Variants in CNTN4 observed in about 807,000 individuals in gnomAD.
The protein encoded by CNTN4 is contactin 4.
CNTN4 carries 77 observed loss-of-function variants against 122.5 expected under a neutral mutation model. That is an observed-to-expected ratio of 0.63 (90% confidence interval 0.52 to 0.76). CNTN4 has a LOEUF of 0.76. Among genes scored for constraint, CNTN4 ranks in the 30% least tolerant of loss-of-function variants. The pLI is 0.00. For synonymous variants in CNTN4, 512 were observed against 447.0 expected, an observed-to-expected ratio of 1.15 and a Z score of -1.83; for missense variants, 1,256 against 1,259.1, an observed-to-expected ratio of 1.00 and a Z score of 0.04.
intron 2 of CNTN4, among the ~76,000 whole-genome samples, chr3:2,173,350 G>C (rs1411884438): frequency 6.6e-6 from 1 of 152,190 alleles, no homozygotes; most frequent in Non-Finnish European, 1.5e-5. Context: ...TGAGAAGCCA[G>C]TGCACAGAGC....
chr3:2,269,809 T>G (rs1351123995), intron 2 of CNTN4, among the ~76,000 whole-genome samples: 2 of 152,176 alleles, frequency 1.3e-5, no homozygotes, highest in Admixed American at 6.6e-5. Flanking sequence ...GTTCATTGAC[T>G]TTTGTAGATG....
chr3:2,449,235 C>G (rs74444615), intron 3 of CNTN4, among the ~76,000 whole-genome samples: 1,560 of 152,280 alleles, frequency 0.01, 28 homozygotes, highest in African/African-American at 0.035. Context: ...TCATCAACCA[C>G]TGATAGGTAA....
At chr3:2,668,098 C>G (rs182050547) in intron 4 of CNTN4, among the ~76,000 whole-genome samples, 118 of 152,132 alleles carry the variant, frequency 7.8e-4, no homozygotes, top group African/African-American at 2.6e-3. Flanking sequence ...TCCATATGAA[C>G]TTTAAAGTAG....
chr3:2,418,771 TTGA>T (rs2047509119), intron 3 of CNTN4, among the ~76,000 whole-genome samples: 1 of 152,220 alleles, frequency 6.6e-6, no homozygotes, highest in South Asian at 2.1e-4. Context: ...GGACATTGAA[TTGA>T]TGAAAGTAAT....
At chr3:2,707,961 A>G (rs1484493055) in intron 4 of CNTN4, among the ~76,000 whole-genome samples, 2 of 152,214 alleles carry the variant, frequency 1.3e-5, no homozygotes, top group African/African-American at 2.4e-5. Flanking sequence ...ATATGTTACT[A>G]TTACTTCCCA....
intron 3 of CNTN4, among the ~76,000 whole-genome samples, chr3:2,474,796 C>G (rs772734728): frequency 6.6e-6 from 1 of 152,116 alleles, no homozygotes; most frequent in Non-Finnish European, 1.5e-5. Context: ...CCACTTGAAT[C>G]CATATCTCAG....
At chr3:2,703,295 C>T (rs983110773) in intron 4 of CNTN4, among the ~76,000 whole-genome samples, 1 of 152,022 alleles carries the variant, frequency 6.6e-6, no homozygotes, top group East Asian at 1.9e-4. Context: ...TGTTATGGTA[C>T]AGTATGAGTA....
intron 4 of CNTN4, among the ~76,000 whole-genome samples, chr3:2,582,631 C>T (rs2079996252): frequency 6.6e-6 from 1 of 152,128 alleles, no homozygotes; most frequent in African/African-American, 2.4e-5. Context: ...ATATTGGATT[C>T]CACCCCAAGA....
At chr3:3,014,047 TACACACACACAC>T (rs10546128) in intron 14 of CNTN4, among the ~76,000 whole-genome samples, 6 of 146,514 alleles carry the variant, frequency 4.1e-5, no homozygotes, top group East Asian at 2.0e-4. Flanking sequence ...CATTTAAATG[TACACACACACAC>T]ACACACACAC....
chr3:2,836,003 G>T (rs1419114270), intron 7 of CNTN4, among the ~76,000 whole-genome samples: 1 of 151,862 alleles, frequency 6.6e-6, no homozygotes, highest in African/African-American at 2.4e-5. Context: ...ACAAACTAGA[G>T]AAATACAAAT....
intron 13 of CNTN4, among the ~76,000 whole-genome samples, chr3:2,961,231 C>CAAATAAAAAAAAAAAAA (rs2094855016): frequency 2.7e-5 from 1 of 37,262 alleles, no homozygotes; most frequent in Non-Finnish European, 5.0e-5. Flanking sequence ...CTCCATCTCA[C>CAAATAAAAAAAAAAAAA]AAAAAAAAAA....
chr3:2,711,386 T>C (rs571101412), intron 4 of CNTN4, among the ~76,000 whole-genome samples: 1 of 152,330 alleles, frequency 6.6e-6, no homozygotes, highest in African/African-American at 2.4e-5. Flanking sequence ...ATGAATCTTT[T>C]TTCTTTTAAA....
chr3:2,684,412 A>G (rs556708695), intron 4 of CNTN4, among the ~76,000 whole-genome samples: 46 of 152,326 alleles, frequency 3.0e-4, no homozygotes, highest in Admixed American at 7.8e-4. Flanking sequence ...AGGAGAAATT[A>G]TACAAAGTGG....
intron 23 of CNTN4, among the ~76,000 whole-genome samples, chr3:3,050,492 G>T (rs113104124): frequency 4.6e-5 from 7 of 151,906 alleles, no homozygotes; most frequent in Admixed American, 4.6e-4. Context: ...GGCCGGGCAC[G>T]GTGGCTCACA....
chr3:2,138,343 C>G (rs1487835277), intron 2 of CNTN4, among the ~76,000 whole-genome samples: 1 of 152,136 alleles, frequency 6.6e-6, no homozygotes, highest in Non-Finnish European at 1.5e-5. Context: ...GCCGGGATTA[C>G]AGGTGTGAGC....
At chr3:2,597,531 A>G (rs1460064321) in intron 4 of CNTN4, among the ~76,000 whole-genome samples, 4 of 152,196 alleles carry the variant, frequency 2.6e-5, no homozygotes, top group Non-Finnish European at 5.9e-5. Flanking sequence ...ATAGAGCTCT[A>G]GCAACATGAT....
intron 2 of CNTN4, among the ~76,000 whole-genome samples, chr3:2,333,234 A>G (rs1183028515): frequency 6.6e-6 from 1 of 152,198 alleles, no homozygotes; most frequent in African/African-American, 2.4e-5. Context: ...AGAACTGTTT[A>G]TCTTGTAGTC....
rs1471166061 is a variant in CNTN4, at chr3:2,709,060, T to TC, written c.56-27149dup. Among the ~76,000 whole-genome samples, 2 of 151,910 alleles carry TC rather than the reference T, an allele frequency of 1.3e-5. No homozygotes were observed. The highest frequency in any genetic ancestry group is 4.8e-5 in the African/African-American group (2 of 41,336). The stretch of plus-strand genomic sequence containing the variant: ...CTCTTCTCAGATATCTCATAGACCA[T>TC]CCCCCCTCTGCTGCCACTGAATTTC... On this transcript the variant is annotated intron_variant, in intron 4 of 24. Transcript: ENST00000418658. This position sits in a 1 kb window ranked among gnomAD's most constrained non-coding sequence, Gnocchi z 5.0.
intron 3 of CNTN4, among the ~76,000 whole-genome samples, chr3:2,372,683 A>T (rs550797365): frequency 1.1e-4 from 17 of 152,260 alleles, no homozygotes; most frequent in African/African-American, 4.1e-4. Flanking sequence ...GGAAAAGAGG[A>T]AGGAGGCAGT....
Sources: gnomAD v4.1 joint callset for allele counts (sites outside exome capture counted in the v4.1 genomes callset) on GRCh38, gnomAD v4.1.1 for gene constraint, Gnocchi (gnomAD v3.1) non-coding constraint, MANE v1.5 for transcripts, NCBI Gene and HGNC (gene_info 2026-07-23, HGNC 2026-07-21) for gene names.